PLCB1: variants seen among roughly 807,000 people sequenced by gnomAD.
The protein encoded by PLCB1 is phospholipase C beta 1, also known as 1-phosphatidylinositol 4,5-bisphosphate phosphodiesterase beta-1.
PLCB1 carries 46 observed loss-of-function variants against 161.8 expected under a neutral mutation model. The observed-to-expected ratio is 0.28, with a 90% confidence interval of 0.22 to 0.36. The LOEUF is 0.36. PLCB1 is among the 10% of genes least tolerant of loss of function. The pLI is 1.00. For missense variants in PLCB1, 1,016 were observed against 1,472.5 expected (o/e 0.69, Z 5.07); for synonymous variants, 517 against 503.7 (o/e 1.03, Z -0.35).
chr20:8,878,054 G>C (rs1017594588), intron 31 of PLCB1, among the ~76,000 whole-genome samples: 1 of 152,050 alleles, frequency 6.6e-6, no homozygotes, highest in African/African-American at 2.4e-5. Context: ...TTAGGTATTT[G>C]ACATTTTCTT....
At chr20:8,517,095 C>T (rs1401292470) in intron 3 of PLCB1, among the ~76,000 whole-genome samples, 2 of 151,944 alleles carry the variant, frequency 1.3e-5, no homozygotes, top group Non-Finnish European at 2.9e-5. Flanking sequence ...GGGCGTTCCA[C>T]ATATAGAGAT....
chr20:8,499,190 G>A (rs1168461744), intron 3 of PLCB1, among the ~76,000 whole-genome samples: 2 of 152,188 alleles, frequency 1.3e-5, no homozygotes, highest in East Asian at 3.8e-4. Flanking sequence ...TCTCAAGCAA[G>A]GAATAACTAT....
intron 2 of PLCB1, among the ~76,000 whole-genome samples, chr20:8,174,139 A>T (rs751597563): frequency 1.6e-4 from 25 of 152,160 alleles, no homozygotes; most frequent in Non-Finnish European, 3.1e-4. Context: ...TAAGAATCTG[A>T]GCGCACCTCA....
chr20:8,518,707 T>G (rs942310184), intron 3 of PLCB1, among the ~76,000 whole-genome samples: 2 of 152,122 alleles, frequency 1.3e-5, no homozygotes, highest in African/African-American at 4.8e-5. Context: ...GCTGATGGTT[T>G]CAGGATGATT....
At chr20:8,387,399 G>A (rs191799676) in intron 3 of PLCB1, among the ~76,000 whole-genome samples, 51 of 152,214 alleles carry the variant, frequency 3.4e-4, no homozygotes, top group South Asian at 8.3e-4. Flanking sequence ...GGGAACAGCT[G>A]GCCAATGGAG....
chr20:8,836,486 A>T (rs1180067537), intron 31 of PLCB1, among the ~76,000 whole-genome samples: 3 of 152,182 alleles, frequency 2.0e-5, no homozygotes, highest in African/African-American at 7.2e-5. Flanking sequence ...TTGTCCCAAG[A>T]GTGGTTCTAG....
At chr20:8,623,982 G>A (rs942666707) in intron 3 of PLCB1, 2 of 152,228 alleles carry the variant, frequency 1.3e-5, no homozygotes, top group Non-Finnish European at 2.9e-5. Context: ...TTTCTGAGAT[G>A]CAAATGTTGA....
chr20:8,251,992 G>A (rs1041810028), intron 2 of PLCB1, among the ~76,000 whole-genome samples: 1 of 151,946 alleles, frequency 6.6e-6, no homozygotes, highest in Admixed American at 6.6e-5. Context: ...AGGAAGCCCT[G>A]AAGGACCTAG....
intron 3 of PLCB1, among the ~76,000 whole-genome samples, chr20:8,376,482 CAA>C (rs1987084343): frequency 6.6e-6 from 1 of 152,088 alleles, no homozygotes; most frequent in African/African-American, 2.4e-5. Context: ...GATTGATATT[CAA>C]TGACAGAAGT....
intron 14 of PLCB1, 56 bp downstream of exon 14, chr20:8,717,904 C>A: frequency 6.5e-7 from 1 of 1,526,718 alleles, no homozygotes; most frequent in South Asian, 1.3e-5. Flanking sequence ...AGAATTGCTG[C>A]TCTGGGCTGT....
At chr20:8,796,360 T>C (rs1195717002) in intron 31 of PLCB1, among the ~76,000 whole-genome samples, 1 of 152,184 alleles carries the variant, frequency 6.6e-6, no homozygotes, top group Non-Finnish European at 1.5e-5. Context: ...GAACCTTAAA[T>C]GCGGCTGATA....
intron 26 of PLCB1, among the ~76,000 whole-genome samples, chr20:8,767,371 G>A (rs1213870682): frequency 6.6e-6 from 1 of 152,142 alleles, no homozygotes; most frequent in Non-Finnish European, 1.5e-5. Context: ...ATTGAAGGGT[G>A]GCTGAAAGGC....
intron 3 of PLCB1, among the ~76,000 whole-genome samples, chr20:8,445,709 C>T (rs1353560032): frequency 6.6e-6 from 1 of 151,802 alleles, no homozygotes; most frequent in Non-Finnish European, 1.5e-5. Context: ...TGTTTGTGTC[C>T]TCTTTTATTT....
At chr20:8,376,724 C>G (rs546208787) in intron 3 of PLCB1, among the ~76,000 whole-genome samples, 112 of 152,078 alleles carry the variant, frequency 7.4e-4, no homozygotes, top group African/African-American at 2.6e-3. Context: ...GTCAGGAGAT[C>G]GAGACCATCC....
At chr20:8,244,710 T>A (rs1980791873) in intron 2 of PLCB1, among the ~76,000 whole-genome samples, 1 of 151,886 alleles carries the variant, frequency 6.6e-6, no homozygotes, top group Non-Finnish European at 1.5e-5. Context: ...CCCATGTATA[T>A]GCTATACCGC....
chr20:8,845,223 A>C (rs1170226565), intron 31 of PLCB1, among the ~76,000 whole-genome samples: 2 of 152,194 alleles, frequency 1.3e-5, no homozygotes, highest in Admixed American at 1.3e-4. Context: ...TTTTGGAGGC[A>C]GGAAAGATAC....
At chr20:8,722,313 T>C (rs371722661) in intron 14 of PLCB1, 41 bp from the exon 15 acceptor site, 108 of 1,468,220 alleles carry the variant, frequency 7.4e-5, no homozygotes, top group South Asian at 2.1e-4. Context: ...AAGCTAAATG[T>C]TGAAATGGTG....
intron 25 of PLCB1, among the ~76,000 whole-genome samples, chr20:8,761,033 G>T (rs73081997): frequency 0.23 from 34,745 of 152,056 alleles, 4,889 homozygotes; most frequent in Non-Finnish European, 0.32. Flanking sequence ...CAGCACCACT[G>T]GTAAGGGCCA....
intron 2 of PLCB1, among the ~76,000 whole-genome samples, chr20:8,200,616 C>G (rs2052082686): frequency 6.6e-6 from 1 of 151,926 alleles, no homozygotes; most frequent in African/African-American, 2.4e-5. Flanking sequence ...CCTTGCTTAA[C>G]AATCTTTTGA....
Sources: allele counts gnomAD v4.1 joint callset (sites outside exome capture counted in the v4.1 genomes callset), GRCh38; gene constraint gnomAD v4.1.1; transcripts MANE v1.5; gene names NCBI Gene and HGNC (gene_info 2026-07-23, HGNC 2026-07-21).